The following MBTPS1 variants were observed in gnomAD, a reference collection of about 807,000 sequenced individuals.
MBTPS1 encodes membrane-bound transcription factor site-1 protease.
Under a neutral mutation model 127.8 loss-of-function variants are expected in MBTPS1, and 94 were observed. The observed-to-expected ratio is 0.74, with a 90% CI of 0.62 to 0.87. The LOEUF is 0.87. Ranked by LOEUF, MBTPS1 falls within the 40% of genes least tolerant of loss-of-function variation. The pLI is 0.00. For missense variants in MBTPS1, 1,636 were observed against 1,353.2 expected (o/e 1.21, Z -3.28); for synonymous variants, 632 against 509.4 (o/e 1.24, Z -3.24).
chr16:84,112,797 A>T (rs1300359405), intron 1 of MBTPS1, among the ~76,000 whole-genome samples: 1 of 151,946 alleles, frequency 6.6e-6, no homozygotes, highest in African/African-American at 2.4e-5. Context: ...CAACATGGTG[A>T]AACCCCATCT....
chr16:84,081,696 C>G, intron 11 of MBTPS1, 51 bp downstream of exon 11: 4 of 1,295,138 alleles, frequency 3.1e-6, no homozygotes, highest in Non-Finnish European at 4.0e-6. Flanking sequence ...GAAAATTCGC[C>G]CAGAGCCCAG....
Position 84,054,393 on chromosome 16 carries a change from C to A in MBTPS1, c.*56G>T. On this transcript the variant is annotated 3_prime_UTR_variant, in exon 23 of 23. Transcript: ENST00000343411. ...AGCCGCCACCACAGCTCGGCTCACCCACCAGCGCCGTCCGTGAAGGCTCTC... is the reference window on the plus strand; with the variant it reads ...AGCCGCCACCACAGCTCGGCTCACCAACCAGCGCCGTCCGTGAAGGCTCTC... 2.0e-6 allele frequency: 3 copies of A among 1,480,658 alleles called. No individual in the cohort carries two copies. Among genetic ancestry groups the A allele is most frequent in the Non-Finnish European group, 2.7e-6 (3 of 1,102,738 alleles). The allele number at this position is 1,480,658 out of a possible 1,614,324, so 91.7% of individuals were successfully genotyped here. A position where few individuals can be genotyped will look rare whatever the true frequency, so the allele number is the denominator to read the frequency against.
At chr16:84,093,680 T>C (rs755047874) in intron 5 of MBTPS1, 31 bp downstream of exon 5, 1 of 1,436,186 alleles carries the variant, frequency 7.0e-7, no homozygotes, top group Non-Finnish European at 9.8e-7. Flanking sequence ...GTCGATCACA[T>C]GACCACGTTC....
chr16:84,067,518 G>A (rs577166052), intron 16 of MBTPS1, 149 bp downstream of exon 16: 42 of 646,556 alleles, frequency 6.5e-5, no homozygotes, highest in African/African-American at 5.5e-4. Context: ...GCACTCAGTC[G>A]AAAGGGCTTT....
chr16:84,092,251 C>A (rs1233050516), intron 6 of MBTPS1, among the ~76,000 whole-genome samples: 1 of 152,206 alleles, frequency 6.6e-6, no homozygotes, highest in African/African-American at 2.4e-5. Flanking sequence ...CTTCTTCATT[C>A]CTAAACAGAC....
intron 1 of MBTPS1, among the ~76,000 whole-genome samples, chr16:84,102,539 T>C (rs1263975396): frequency 1.3e-5 from 2 of 152,114 alleles, no homozygotes; most frequent in Admixed American, 1.3e-4. Context: ...ACCAAAAATA[T>C]TAAGCACACT....
intron 12 of MBTPS1, chr16:84,071,876 T>C (rs959497251): frequency 4.6e-5 from 7 of 152,138 alleles, no homozygotes; most frequent in Non-Finnish European, 7.3e-5. Flanking sequence ...TTAGGATTGA[T>C]AGAGAAAATC....
chr16:84,066,429 A>G, intron 17 of MBTPS1, 60 bp downstream of exon 17: 1 of 1,564,042 alleles, frequency 6.4e-7, no homozygotes, highest in Admixed American at 1.8e-5. Flanking sequence ...TCTAGACTTC[A>G]GAGGTGTAGA....
rs202077732 is a variant in MBTPS1, at chr16:84,056,091, T to G, written c.2876A>C (p.Lys959Thr). 18 of 1,614,000 alleles carry G rather than the reference T, an allele frequency of 1.1e-5. No homozygotes were observed. The highest frequency in any genetic ancestry group is 1.4e-5 in the Non-Finnish European group (17 of 1,179,930). Residue 959 changes from lysine to threonine, a missense_variant, in exon 22 of 23, where the codon AAG becomes ACG. Coordinates refer to ENST00000343411, the MANE Select transcript of MBTPS1 (RefSeq NM_003791.4). The stretch of plus-strand genomic sequence containing the variant: ...CGATCGAAAGTTGGGTAACACCACC[T>G]TGTCCAGGTCAATGGAGAGTAGCTT... ...HQKLLSIDLD[K>T]VVLPNFRSNR...
chr16:84,068,230 A>G (rs1052219738), intron 15 of MBTPS1, 109 bp downstream of exon 15: 1 of 791,236 alleles, frequency 1.3e-6, no homozygotes, highest in Non-Finnish European at 2.2e-6. Context: ...CCCACGGCGC[A>G]TACTCCCTTG....
intron 21 of MBTPS1, 106 bp from the exon 22 acceptor site, chr16:84,056,241 G>C (rs929126645): frequency 3.4e-5 from 32 of 953,478 alleles, no homozygotes; most frequent in Non-Finnish European, 4.7e-5. Flanking sequence ...GTGATCTACG[G>C]GGAGATGTGA....
At chr16:84,093,860 G>T (rs763074458) in intron 4 of MBTPS1, 39 bp from the exon 5 acceptor site, 2 of 1,391,302 alleles carry the variant, frequency 1.4e-6, no homozygotes, top group South Asian at 1.2e-5. Context: ...TATGTTTGAA[G>T]AAATCATCAT....
chr16:84,076,685 A>C (rs931303099), intron 11 of MBTPS1, among the ~76,000 whole-genome samples: 2 of 152,254 alleles, frequency 1.3e-5, no homozygotes, highest in African/African-American at 4.8e-5. Flanking sequence ...CAAAAAGATT[A>C]AATACTTAAA....
In MBTPS1 at chr16:84,090,999, C is replaced by G. The variant is rs868337179; in HGVS notation, c.964-57G>C. 1.2e-4 allele frequency: 92 copies of G among 768,256 alleles called. 3 individuals are homozygous for G. In the Middle Eastern group the frequency reaches 0.011, roughly 89 times the overall value. The allele number at this position is 768,256 out of a possible 1,614,324, so 47.6% of individuals were successfully genotyped here. A position where few individuals can be genotyped will look rare whatever the true frequency, so the allele number is the denominator to read the frequency against. On this transcript the variant is annotated intron_variant, in intron 7 of 22. Coordinates refer to ENST00000343411, the MANE Select transcript of MBTPS1 (RefSeq NM_003791.4). ...TCCCTTTCATTAAACATATAACTGT[C>G]AAAAAAAAAAAAAAAACCATACACA...
chr16:84,067,911 C>G (rs1228237481), intron 15 of MBTPS1, 88 bp from the exon 16 acceptor site: 7 of 1,298,290 alleles, frequency 5.4e-6, no homozygotes, highest in Non-Finnish European at 7.5e-6. Context: ...AGGTACATGT[C>G]TCAGGTTACT....
intron 21 of MBTPS1, 116 bp downstream of exon 21, chr16:84,059,173 TCGCAAATGACAAG>T: frequency 8.0e-7 from 1 of 1,252,498 alleles, no homozygotes; most frequent in South Asian, 1.5e-5. Flanking sequence ...TAAATAACTG[TCGCAAATGACAAG>T]CTTGAAGATC....
At chr16:84,104,486 C>CA (rs1358875713) in intron 1 of MBTPS1, among the ~76,000 whole-genome samples, 1 of 151,948 alleles carries the variant, frequency 6.6e-6, no homozygotes, top group Admixed American at 6.6e-5. Context: ...AACAAACAAA[C>CA]AAAAAAGCCT....
rs776767361 is a variant in MBTPS1, at chr16:84,091,806, T to C, written c.889A>G (p.Ile297Val). Residue 297 changes from isoleucine to valine, a missense_variant, in exon 7 of 23, where the codon ATT (isoleucine) becomes GTT (valine). Ile to Val is a conservative substitution (Grantham distance 29). Coordinates refer to ENST00000343411, the MANE Select transcript of MBTPS1 (RefSeq NM_003791.4). ...TTTAACACGTCGATCTTCTTTAAAA[T>C]GGCATAGTTGAAGGCGTCCAAAAAC... ...SWFLDAFNYA[I>V]LKKIDVLNLS... 5.0e-6 allele frequency: 8 copies of C among 1,614,034 alleles called. No individual in the cohort carries two copies. The East Asian group carries it at 1.3e-4, about 27-fold the overall frequency.
At chr16:84,096,020 C>T (rs1292510942) in intron 3 of MBTPS1, among the ~76,000 whole-genome samples, 1 of 152,034 alleles carries the variant, frequency 6.6e-6, no homozygotes, top group Non-Finnish European at 1.5e-5. Flanking sequence ...TAGTTCTCTA[C>T]TTGAAATTTT....
Sources: allele counts gnomAD v4.1 joint callset (sites outside exome capture counted in the v4.1 genomes callset), GRCh38; gene constraint gnomAD v4.1.1; transcripts MANE v1.5; gene names NCBI Gene and HGNC (gene_info 2026-07-23, HGNC 2026-07-21).